The following ZNF705A variants were observed in gnomAD, a reference collection of about 807,000 sequenced individuals.
ZNF705A encodes zinc finger protein 705A.
A neutral mutation model predicts 16.6 loss-of-function variants in ZNF705A; 8 were observed. The observed-to-expected ratio is 0.48, with a 90% CI of 0.28 to 0.87. ZNF705A has a LOEUF of 0.87. Among genes scored for constraint, ZNF705A ranks in the 40% least tolerant of loss-of-function variants. The probability of loss-of-function intolerance (pLI) is 0.10; values close to 1 mark genes in which losing one functional copy is unlikely to be tolerated. For synonymous variants in ZNF705A, 73 were observed against 117.3 expected, an observed-to-expected ratio of 0.62 and a Z score of 2.44; for missense variants, 233 against 359.9, an observed-to-expected ratio of 0.65 and a Z score of 2.85.
Position 8,165,450 on chromosome 12 carries a change from A to ATTT in ZNF705A, c.-71-7082_-71-7080dup, listed in dbSNP as rs57581482. The stretch of plus-strand genomic sequence containing the variant: ...GGCACCTGCCACCACGCCCAGCTAA[A>ATTT]TTTTTTTTTTTTTTTTTTTTTTTTT... On this transcript the variant is annotated intron_variant, in intron 1 of 5. Coordinates refer to the ZNF705A transcript ENST00000396570. 1.0e-3 allele frequency among the ~76,000 whole-genome samples: 83 copies of ATTT among 81,944 alleles called. 2 individuals carry two copies. Among genetic ancestry groups the ATTT allele is most frequent in the South Asian group, 0.01 (20 of 1,994 alleles). The allele number at this position is 81,944 out of a possible 152,430, so 53.8% of individuals were successfully genotyped here.
upstream of ZNF705A, among the ~76,000 whole-genome samples, chr12:8,169,949 A>G (rs1948431127): frequency 6.6e-6 from 1 of 152,136 alleles, no homozygotes; most frequent in Admixed American, 6.5e-5. Context: ...CAGAACTTTG[A>G]GAGGCGGAGG....
chr12:8,157,907 T>C (rs1948322753), intron 1 of ZNF705A, among the ~76,000 whole-genome samples: 1 of 152,132 alleles, frequency 6.6e-6, no homozygotes, highest in South Asian at 2.1e-4. Context: ...TGGCCTTTGT[T>C]ACAGGCAGGT....
intron 4 of ZNF705A, 129 bp from the exon 6 acceptor site, chr12:8,176,870 C>A (rs938439417): frequency 1.4e-6 from 2 of 1,395,160 alleles, no homozygotes; most frequent in South Asian, 1.4e-5. Context: ...TCCTTTCACA[C>A]AAGAAACATT....
chr12:8,165,013 A>T (rs11834501), intron 1 of ZNF705A, among the ~76,000 whole-genome samples: 11 of 152,208 alleles, frequency 7.2e-5, no homozygotes, highest in Non-Finnish European at 1.0e-4. Context: ...ATTTAAAAAA[A>T]TTTTGAGAAA....
intron 4 of ZNF705A, among the ~76,000 whole-genome samples, chr12:8,176,783 A>AGG (rs1157164278): frequency 6.6e-6 from 1 of 152,046 alleles, no homozygotes; most frequent in African/African-American, 2.4e-5. Context: ...CAGAAGGGGG[A>AGG]GGCAGGTTTC....
At chr12:8,160,002 A>G (rs963877230) in intron 1 of ZNF705A, among the ~76,000 whole-genome samples, 11 of 152,156 alleles carry the variant, frequency 7.2e-5, no homozygotes, top group Admixed American at 5.2e-4. Context: ...ATTTTTGTAT[A>G]AAGTGAAAGA....
At chr12:8,158,281 C>T (rs1948326027) in intron 1 of ZNF705A, among the ~76,000 whole-genome samples, 1 of 152,014 alleles carries the variant, frequency 6.6e-6, no homozygotes, top group African/African-American at 2.4e-5. Flanking sequence ...TCTCTAAACC[C>T]CTTCTTAGTC....
At chr12:8,179,186 C>T (rs1234638524) in exon 5 of ZNF705A, 1 of 152,142 alleles carries the variant, frequency 6.6e-6, no homozygotes, top group Non-Finnish European at 1.5e-5. Flanking sequence ...TCCCTGGAGC[C>T]TCTCTAACTG....
chr12:8,161,525 G>A (rs188294104), intron 1 of ZNF705A, among the ~76,000 whole-genome samples: 1 of 152,020 alleles, frequency 6.6e-6, no homozygotes, highest in Admixed American at 6.6e-5. Context: ...TTTAAGCTAG[G>A]AGGGTTGTAT....
Position 8,177,840 on chromosome 12 carries a change from A to G in ZNF705A, c.*257A>G, listed in dbSNP as rs142996455. 239 of 607,164 alleles carry G rather than the reference A, an allele frequency of 3.9e-4. 1 individual carries two copies. The East Asian group carries it at 6.6e-3, about 17-fold the overall frequency. The allele number at this position is 607,164 out of a possible 1,614,324, so 37.6% of individuals were successfully genotyped here. On this transcript the variant is annotated 3_prime_UTR_variant, in exon 5 of 5. Coordinates refer to ENST00000359286, the Ensembl canonical transcript of ZNF705A. ...CATATTTTGAAGAAATACTGGAATC[A>G]ACATGGAAGATACTTCAGTTACCTT... is the stretch of plus-strand genomic sequence containing the variant.
chr12:8,163,672 T>A (rs1948375662), intron 1 of ZNF705A, among the ~76,000 whole-genome samples: 1 of 152,230 alleles, frequency 6.6e-6, no homozygotes, highest in Non-Finnish European at 1.5e-5. Flanking sequence ...TCTCCCTCAC[T>A]TAAATCTATA....
At chr12:8,179,350 G>A (rs1293732566) in exon 5 of ZNF705A, 1 of 152,174 alleles carries the variant, frequency 6.6e-6, no homozygotes, top group East Asian at 1.9e-4. Context: ...CACCTTGCAA[G>A]CCTTTCCTAT....
chr12:8,162,513 G>C (rs951892430), intron 1 of ZNF705A, among the ~76,000 whole-genome samples: 2 of 152,088 alleles, frequency 1.3e-5, no homozygotes, highest in African/African-American at 4.8e-5. Flanking sequence ...CATGTTCCAG[G>C]TCACTAGAAG....
At chr12:8,171,522 T>C (rs1159110809), upstream of ZNF705A, among the ~76,000 whole-genome samples, 11 of 152,174 alleles carry the variant, frequency 7.2e-5, no homozygotes, top group Non-Finnish European at 1.3e-4. Context: ...GTTAGTAAAA[T>C]ATCAGATTGA....
At chr12:8,172,630 A>C (rs74060111) in exon 1 of ZNF705A, 28,622 of 1,596,336 alleles carry the variant, frequency 0.018, 1,341 homozygotes, top group African/African-American at 0.17. Context: ...CGGACAATGC[A>C]TTCACTAGTG....
chr12:8,176,897 G>A (rs1948487883), intron 4 of ZNF705A, 102 bp from the exon 6 acceptor site: 1 of 1,504,648 alleles, frequency 6.6e-7, no homozygotes, highest in African/African-American at 1.4e-5. Flanking sequence ...CTTTCAACTG[G>A]GGTCTACCAC....
intron 1 of ZNF705A, among the ~76,000 whole-genome samples, chr12:8,166,882 G>C (rs74060108): frequency 4.0e-5 from 6 of 151,624 alleles, no homozygotes; most frequent in African/African-American, 7.3e-5. Context: ...GAGGGGAGGG[G>C]CTGCCACCAG....
Position 8,157,378 on chromosome 12 carries a change from C to A in ZNF705A, c.-72+286C>A, listed in dbSNP as rs755023754. 2.6e-4 allele frequency among the ~76,000 whole-genome samples: 39 copies of A among 152,172 alleles called. 1 individual carries two copies. The South Asian group carries it at 8.1e-3, about 32-fold the overall frequency. Reference sequence around the variant, plus strand: ...AGCCAAAAAGCATTTCCTACTATGCCCAAACCCAAGTCTAAAATAGAAACC... The same window carrying A: ...AGCCAAAAAGCATTTCCTACTATGCACAAACCCAAGTCTAAAATAGAAACC... On this transcript the variant is annotated intron_variant, in intron 1 of 5. Coordinates refer to the ZNF705A transcript ENST00000396570.
chr12:8,170,691 T>G (rs1295865861), upstream of ZNF705A, among the ~76,000 whole-genome samples: 1 of 152,218 alleles, frequency 6.6e-6, no homozygotes, highest in African/African-American at 2.4e-5. Context: ...TTCTCTAATA[T>G]CTTATTTTTT....
Sources: allele counts gnomAD v4.1 joint callset (sites outside exome capture counted in the v4.1 genomes callset), GRCh38; gene constraint gnomAD v4.1.1; transcripts MANE v1.5; gene names NCBI Gene and HGNC (gene_info 2026-07-23, HGNC 2026-07-21).